Variants in GRIA3 observed in about 807,000 individuals in gnomAD.
The protein encoded by GRIA3 is glutamate receptor 3.
In GRIA3, 3 loss-of-function variants were observed where a neutral mutation model predicts 63.0. The ratio of observed to expected loss-of-function variants is 0.05; its 90% confidence interval spans 0.02 to 0.12. The LOEUF (loss-of-function observed/expected upper bound fraction) is 0.12. GRIA3 is among the 10% of genes least tolerant of loss of function. GRIA3 has a pLI of 1.00. For synonymous variants in GRIA3, 274 were observed against 257.9 expected (o/e 1.06, Z -0.60); for missense variants, 347 against 700.9 (o/e 0.50, Z 5.70).
intron 4 of GRIA3, among the ~76,000 whole-genome samples, chrX:123,336,787 G>C (rs922299208): frequency 1.8e-5 from 2 of 111,366 alleles, no homozygotes; most frequent in African/African-American, 6.5e-5. Context: ...ACCTTGCACA[G>C]CCACCTCACC....
intron 12 of GRIA3, among the ~76,000 whole-genome samples, chrX:123,463,821 G>C (rs1321424469): frequency 9.2e-6 from 1 of 108,587 alleles, no homozygotes; most frequent in Non-Finnish European, 1.9e-5. Flanking sequence ...GAAAGAAAAA[G>C]AAAGAGAAAG....
At chrX:123,237,924 A>T (rs1244856435) in intron 2 of GRIA3, among the ~76,000 whole-genome samples, 2 of 111,958 alleles carry the variant, frequency 1.8e-5, no homozygotes, top group Admixed American at 9.4e-5. Flanking sequence ...TCCATGCAAA[A>T]GGACTCAGCT....
intron 5 of GRIA3, among the ~76,000 whole-genome samples, chrX:123,379,833 CCT>C (rs2045311721): frequency 1.1e-5 from 1 of 93,671 alleles, no homozygotes; most frequent in African/African-American, 4.0e-5. Context: ...GTGATGTTCC[CCT>C]TCCTGTGTCC....
chrX:123,308,958 T>C (rs1265071537), intron 3 of GRIA3, among the ~76,000 whole-genome samples: 1 of 112,530 alleles, frequency 8.9e-6, no homozygotes, highest in Middle Eastern at 4.2e-3. Context: ...TTGCGCTATT[T>C]ACCTCCTCAG....
rs937148065 is a variant in GRIA3 at position 123,389,044 on chromosome X, T to C, written c.751-5924T>C. Among the ~76,000 whole-genome samples, 7 of 112,557 alleles carry C rather than the reference T, an allele frequency of 6.2e-5. No homozygotes were observed. The East Asian group carries it at 1.4e-3, about 22-fold the overall frequency. On this transcript the variant is annotated intron_variant, in intron 5 of 15. Transcript: ENST00000620443. ...ATAGTTTCCAAAGTTCCTCTTGTTA[T>C]TGATTTCTAATTAAACTCCTTTGTG...
chrX:123,364,011 G>A lies in GRIA3; in HGVS notation c.750+9048G>A, dbSNP rs151056895. ...CTTCCCACTGCACACAAAGATTACC[G>A]TTCAAACCAAAGAAAAGGATACTAA... On this transcript the variant is annotated intron_variant, in intron 5 of 15. Transcript: ENST00000620443. Among the ~76,000 whole-genome samples, 221 of 111,545 alleles carry A rather than the reference G, an allele frequency of 2.0e-3. 8 individuals are homozygous for A. In the East Asian group the frequency reaches 0.051, roughly 26 times the overall value.
chrX:123,232,718 T>C (rs2044282342), intron 2 of GRIA3, among the ~76,000 whole-genome samples: 1 of 111,389 alleles, frequency 9.0e-6, no homozygotes, highest in South Asian at 3.7e-4. Context: ...CCCACAAAAA[T>C]TAGAAATTAA....
intron 13 of GRIA3, among the ~76,000 whole-genome samples, chrX:123,476,916 C>T (rs1227372649): frequency 1.8e-5 from 2 of 111,663 alleles, no homozygotes; most frequent in African/African-American, 6.5e-5. Context: ...CCCTGGAGGA[C>T]AAAATGGCCT....
At chrX:123,373,563 G>C (rs1031633631) in intron 5 of GRIA3, among the ~76,000 whole-genome samples, 3 of 111,813 alleles carry the variant, frequency 2.7e-5, no homozygotes, top group Non-Finnish European at 5.6e-5. Context: ...GTGTGAGATG[G>C]TATCTCATTG....
At chrX:123,259,858 A>C (rs1164018412) in intron 3 of GRIA3, among the ~76,000 whole-genome samples, 1 of 111,648 alleles carries the variant, frequency 9.0e-6, no homozygotes, top group African/African-American at 3.3e-5. Context: ...GAACACAACT[A>C]TTACCTCTTC....
chrX:123,337,188 A>G (rs981751822), intron 4 of GRIA3, among the ~76,000 whole-genome samples: 2 of 111,926 alleles, frequency 1.8e-5, no homozygotes, highest in Admixed American at 1.9e-4. Context: ...CTTTGACAGT[A>G]TAACGTTACT....
chrX:123,314,770 G>A (rs1225953142), intron 3 of GRIA3, among the ~76,000 whole-genome samples: 1 of 112,224 alleles, frequency 8.9e-6, no homozygotes, highest in Non-Finnish European at 1.9e-5. Context: ...CAGCTTCAGA[G>A]CCAAGGTTAC....
At chrX:123,353,657 A>C (rs1049906138) in intron 4 of GRIA3, among the ~76,000 whole-genome samples, 3 of 111,892 alleles carry the variant, frequency 2.7e-5, no homozygotes, top group Non-Finnish European at 5.6e-5. Flanking sequence ...GCTTAAGCTT[A>C]ATGGCCCCTC....
intron 12 of GRIA3, among the ~76,000 whole-genome samples, chrX:123,434,513 T>A (rs754138541): frequency 1.8e-5 from 2 of 111,471 alleles, no homozygotes; most frequent in South Asian, 7.5e-4. Context: ...CTTGGCAGTT[T>A]AAAAAAAAGA....
chrX:123,272,570 G>C (rs1008243091), intron 3 of GRIA3, among the ~76,000 whole-genome samples: 3 of 111,371 alleles, frequency 2.7e-5, no homozygotes, highest in Non-Finnish European at 5.7e-5. Flanking sequence ...TCCTCCCCTG[G>C]GGATACAAAT....
At chrX:123,240,030 G>C (rs1408647681) in intron 2 of GRIA3, among the ~76,000 whole-genome samples, 1 of 112,001 alleles carries the variant, frequency 8.9e-6, no homozygotes, top group Non-Finnish European at 1.9e-5. Flanking sequence ...AGGACAAAGG[G>C]GTGTAGGGGA....
At position 123,351,311 on chromosome X, in the gene GRIA3, G is replaced by A. The variant is rs768306308; in HGVS notation, c.697-3599G>A. On this transcript the variant is annotated intron_variant, in intron 4 of 15. Transcript: ENST00000620443. ...ATCCCACCCTATTCCCATAAGCCCT[G>A]TACCAAAAATTCAAAAAAGGGAAAG... is the stretch of plus-strand genomic sequence containing the variant. Among the ~76,000 whole-genome samples the A allele has an allele frequency of 2.7e-5, 3 of 111,386 alleles. No individual in the cohort carries two copies. The South Asian group carries it at 1.1e-3, about 43-fold the overall frequency.
At chrX:123,419,529 T>C (rs1327764104) in intron 11 of GRIA3, among the ~76,000 whole-genome samples, 1 of 110,643 alleles carries the variant, frequency 9.0e-6, no homozygotes, top group South Asian at 3.8e-4. Flanking sequence ...TTGTCCAGAA[T>C]AGGCAGTCTA....
chrX:123,273,072 C>T (rs1050239361), intron 3 of GRIA3, among the ~76,000 whole-genome samples: 3 of 111,725 alleles, frequency 2.7e-5, no homozygotes, highest in Non-Finnish European at 5.6e-5. Flanking sequence ...TAGGATCAGT[C>T]GTTGGCAAAA....
Sources: gnomAD v4.1 joint callset for allele counts (sites outside exome capture counted in the v4.1 genomes callset) on GRCh38, gnomAD v4.1.1 for gene constraint, MANE v1.5 for transcripts, NCBI Gene and HGNC (gene_info 2026-07-23, HGNC 2026-07-21) for gene names.